Variants in PACRG observed in about 807,000 individuals in gnomAD.
PACRG encodes parkin coregulated.
PACRG carries 29 observed loss-of-function variants against 29.7 expected under a neutral mutation model. The observed-to-expected ratio is 0.98, with a 90% CI of 0.73 to 1.33. The LOEUF (loss-of-function observed/expected upper bound fraction) is 1.33, where lower values mean the gene tolerates loss of function less well. Ranked by LOEUF, PACRG falls within the 40% of genes most tolerant of loss-of-function variation. The probability of loss-of-function intolerance (pLI) is 0.00; values close to 1 mark genes in which losing one functional copy is unlikely to be tolerated. For synonymous variants in PACRG, 116 were observed against 118.7 expected, an observed-to-expected ratio of 0.98 and a Z score of 0.15; for missense variants, 279 against 316.2, an observed-to-expected ratio of 0.88 and a Z score of 0.89.
chr6:162,797,334 C>A (rs1261087345), intron 1 of PACRG, among the ~76,000 whole-genome samples: 1 of 152,076 alleles, frequency 6.6e-6, no homozygotes, highest in Non-Finnish European at 1.5e-5. Context: ...AGATTTTATA[C>A]CTAAAGGGCA....
In PACRG at chr6:162,747,355, TATATATATACACATAC is replaced by T. The variant is rs1171099608; in HGVS notation, c.156+18973_156+18988del. ...ATATATATATATATATATATATATA[TATATATATACACATAC>T]ATATATATGTATATATATGTATATA... is the stretch of plus-strand genomic sequence containing the variant. On this transcript the variant is annotated intron_variant, in intron 1 of 4. Coordinates refer to ENST00000366888, the MANE Select transcript of PACRG (RefSeq NM_001080379.2). Among the ~76,000 whole-genome samples the T allele has an allele frequency of 8.7e-3, 642 of 73,614 alleles. 29 individuals are homozygous for T. Among genetic ancestry groups the T allele is most frequent in the African/African-American group, 0.042 (552 of 13,296 alleles). The allele number at this position is 73,614 out of a possible 152,430, so 48.3% of individuals were successfully genotyped here.
chr6:162,801,153 C>T (rs373634215), intron 1 of PACRG, among the ~76,000 whole-genome samples: 33 of 152,278 alleles, frequency 2.2e-4, no homozygotes, highest in African/African-American at 7.0e-4. Flanking sequence ...GAGTCTCGCT[C>T]TGTTGCCCAG....
chr6:163,184,329 T>G (rs1048315496), intron 4 of PACRG, among the ~76,000 whole-genome samples: 1 of 152,198 alleles, frequency 6.6e-6, no homozygotes, highest in African/African-American at 2.4e-5. Flanking sequence ...TGTACATAAA[T>G]TGTTTCTTTA....
chr6:163,044,158 G>A (rs1468234554), intron 2 of PACRG, among the ~76,000 whole-genome samples: 1 of 146,552 alleles, frequency 6.8e-6, no homozygotes, highest in Non-Finnish European at 1.5e-5. Context: ...CTATAATATG[G>A]GAAACAGATG....
At chr6:162,947,191 T>C (rs1204011137) in intron 2 of PACRG, among the ~76,000 whole-genome samples, 1 of 149,736 alleles carries the variant, frequency 6.7e-6, no homozygotes, top group Non-Finnish European at 1.5e-5. Flanking sequence ...TCTTTCCAGA[T>C]GACATGTATG....
chr6:163,058,587 A>C (rs1435077843), intron 2 of PACRG, among the ~76,000 whole-genome samples: 1 of 151,940 alleles, frequency 6.6e-6, no homozygotes, highest in Non-Finnish European at 1.5e-5. Flanking sequence ...AAAAAAAAAA[A>C]TCTCTACTTA....
intron 2 of PACRG, among the ~76,000 whole-genome samples, chr6:162,980,761 A>G (rs965712699): frequency 6.6e-6 from 1 of 152,166 alleles, no homozygotes; most frequent in Admixed American, 6.6e-5. Flanking sequence ...TTGGCAATGT[A>G]TGGCCCCGCC....
intron 4 of PACRG, among the ~76,000 whole-genome samples, chr6:163,257,294 G>GA (rs1562342620): frequency 3.9e-5 from 6 of 151,998 alleles, no homozygotes; most frequent in African/African-American, 1.4e-4. Context: ...TGTTAAAGGG[G>GA]GCATTCTGGG....
intron 2 of PACRG, among the ~76,000 whole-genome samples, chr6:162,921,345 A>T (rs1562735420): frequency 6.6e-6 from 1 of 152,122 alleles, no homozygotes. Flanking sequence ...GATTCCCTCC[A>T]ATATCTGTGG....
chr6:163,009,843 ATTG>A (rs1269828554), intron 2 of PACRG, among the ~76,000 whole-genome samples: 1 of 152,180 alleles, frequency 6.6e-6, no homozygotes, highest in African/African-American at 2.4e-5. Context: ...TATAAGCTTT[ATTG>A]TTGTTATAAA....
rs779476776 is a variant in PACRG, at chr6:162,837,024, A to AT, written c.291+22752dup. On this transcript the variant is annotated intron_variant, in intron 2 of 4. Coordinates refer to ENST00000366888, the MANE Select transcript of PACRG (RefSeq NM_001080379.2). The stretch of plus-strand genomic sequence containing the variant: ...ATGCTTCTTTACAGAAAATTTAAGT[A>AT]TTTTTTTTTAACAATGGTTGACCTG... Among the ~76,000 whole-genome samples the AT allele has an allele frequency of 1.2e-3, 188 of 151,438 alleles. 2 individuals carry two copies. Among genetic ancestry groups the AT allele is most frequent in the Middle Eastern group, 3.4e-3 (1 of 294 alleles).
At chr6:163,222,014 A>G (rs931348878) in intron 4 of PACRG, among the ~76,000 whole-genome samples, 7 of 152,262 alleles carry the variant, frequency 4.6e-5, no homozygotes, top group African/African-American at 9.6e-5. Flanking sequence ...GGTGCAGTGC[A>G]GGAGACACTG....
chr6:163,244,948 C>T (rs555074327), intron 4 of PACRG: 18 of 400,776 alleles, frequency 4.5e-5, no homozygotes, highest in Admixed American at 1.8e-4. Context: ...AGTAACCCAT[C>T]GACAAAGAAG....
At chr6:163,202,519 CA>C (rs1399989911) in intron 4 of PACRG, among the ~76,000 whole-genome samples, 1 of 152,134 alleles carries the variant, frequency 6.6e-6, no homozygotes, top group Non-Finnish European at 1.5e-5. Flanking sequence ...TATTTCCCCA[CA>C]TTCTGCCAGC....
chr6:162,932,783 A>AGC (rs906050460), intron 2 of PACRG, among the ~76,000 whole-genome samples: 2 of 151,688 alleles, frequency 1.3e-5, no homozygotes, highest in African/African-American at 4.8e-5. Flanking sequence ...TTCTTTGTCT[A>AGC]GCTAAAGGTT....
At chr6:162,913,973 A>T (rs1796500255) in intron 2 of PACRG, among the ~76,000 whole-genome samples, 1 of 123,828 alleles carries the variant, frequency 8.1e-6, no homozygotes, top group Non-Finnish European at 1.6e-5. Context: ...TTTTATAAAC[A>T]TGCTTTGTCT....
intron 2 of PACRG, among the ~76,000 whole-genome samples, chr6:162,969,046 CAA>C (rs35665491): frequency 1.4e-5 from 1 of 72,832 alleles, no homozygotes; most frequent in Non-Finnish European, 2.4e-5. Context: ...GACTCTATCA[CAA>C]AAAAAAAAAA....
At chr6:163,158,165 T>G (rs1778397897) in intron 4 of PACRG, among the ~76,000 whole-genome samples, 1 of 152,210 alleles carries the variant, frequency 6.6e-6, no homozygotes, top group Admixed American at 6.5e-5. Flanking sequence ...ATCTATGTGT[T>G]TTCTGCTTCT....
chr6:162,855,693 C>T (rs1240267449), intron 2 of PACRG, among the ~76,000 whole-genome samples: 2 of 152,192 alleles, frequency 1.3e-5, no homozygotes, highest in African/African-American at 2.4e-5. Flanking sequence ...TACCCCCAAT[C>T]GTCCCAGCGG....
Sources: gnomAD v4.1 joint callset for allele counts (sites outside exome capture counted in the v4.1 genomes callset) on GRCh38, gnomAD v4.1.1 for gene constraint, MANE v1.5 for transcripts, NCBI Gene and HGNC (gene_info 2026-07-23, HGNC 2026-07-21) for gene names.